Variants in EXOC6B observed in about 807,000 individuals in gnomAD.
EXOC6B encodes the protein SEC15 homolog B.
In EXOC6B, 54 loss-of-function variants were observed where a neutral mutation model predicts 113.5. That is an observed-to-expected ratio of 0.48 (90% CI 0.38 to 0.60). The LOEUF (loss-of-function observed/expected upper bound fraction) is 0.60. EXOC6B is among the 20% of genes least tolerant of loss of function. EXOC6B has a pLI of 0.00. For synonymous variants in EXOC6B, 357 were observed against 339.0 expected (o/e 1.05, Z -0.58); for missense variants, 797 against 977.5 (o/e 0.82, Z 2.46).
intron 20 of EXOC6B, among the ~76,000 whole-genome samples, chr2:72,303,750 T>C (rs1233328386): frequency 1.3e-5 from 2 of 152,202 alleles, no homozygotes; most frequent in Admixed American, 1.3e-4. Flanking sequence ...TTGAAGGACA[T>C]AAGACATTCT....
chr2:72,516,831 T>G (rs1314930675), intron 8 of EXOC6B, among the ~76,000 whole-genome samples: 1 of 152,130 alleles, frequency 6.6e-6, no homozygotes, highest in Non-Finnish European at 1.5e-5. Context: ...GTTATAAAGC[T>G]CTTAGAACAG....
chr2:72,387,721 T>C (rs1692126769), intron 18 of EXOC6B, among the ~76,000 whole-genome samples: 1 of 152,182 alleles, frequency 6.6e-6, no homozygotes, highest in Non-Finnish European at 1.5e-5. Flanking sequence ...ATCCCTGACA[T>C]TAATAATTTG....
intron 20 of EXOC6B, among the ~76,000 whole-genome samples, chr2:72,317,678 A>G (rs1553373843): frequency 6.6e-6 from 1 of 152,014 alleles, no homozygotes; most frequent in Non-Finnish European, 1.5e-5. Context: ...CTCATCACAC[A>G]CATTCACTTT....
chr2:72,385,386 C>A (rs1433458507), intron 18 of EXOC6B, among the ~76,000 whole-genome samples: 2 of 150,952 alleles, frequency 1.3e-5, no homozygotes, highest in East Asian at 3.9e-4. Context: ...AAACATAAGA[C>A]CTGAAACTAT....
At chr2:72,810,740 A>G (rs1559021489) in intron 1 of EXOC6B, among the ~76,000 whole-genome samples, 1 of 152,180 alleles carries the variant, frequency 6.6e-6, no homozygotes, top group Non-Finnish European at 1.5e-5. Context: ...ATAAAGAATG[A>G]AAAAGGGAAT....
intron 1 of EXOC6B, among the ~76,000 whole-genome samples, chr2:72,814,616 T>C (rs1418245719): frequency 6.6e-6 from 1 of 152,276 alleles, no homozygotes; most frequent in East Asian, 1.9e-4. Context: ...GGTTTGCAGG[T>C]ATGCAATTTA....
intron 20 of EXOC6B, among the ~76,000 whole-genome samples, chr2:72,292,171 A>AAGTG (rs1553367380): frequency 3.2e-5 from 4 of 124,876 alleles, no homozygotes; most frequent in Admixed American, 7.9e-5. Context: ...ATCCAGAAGT[A>AAGTG]AGTGTGTGTG....
chr2:72,470,775 T>C (rs1171911516), intron 17 of EXOC6B, among the ~76,000 whole-genome samples: 1 of 148,572 alleles, frequency 6.7e-6, no homozygotes. Flanking sequence ...GCTTCATCCA[T>C]GTCCCTACAA....
At chr2:72,599,240 C>G (rs1460853710) in intron 6 of EXOC6B, among the ~76,000 whole-genome samples, 1 of 152,056 alleles carries the variant, frequency 6.6e-6, no homozygotes, top group Non-Finnish European at 1.5e-5. Flanking sequence ...GTGTGTAAGG[C>G]TGGTTTGACA....
chr2:72,469,043 T>C (rs1393117401), intron 17 of EXOC6B, among the ~76,000 whole-genome samples: 6 of 152,126 alleles, frequency 3.9e-5, no homozygotes, highest in Non-Finnish European at 7.4e-5. Context: ...CTATTTAAAA[T>C]TGGTGTGGTA....
intron 2 of EXOC6B, 113 bp from the exon 3 acceptor site, chr2:72,733,231 A>G: frequency 1.3e-6 from 1 of 745,996 alleles, no homozygotes; most frequent in Non-Finnish European, 2.3e-6. Flanking sequence ...TATTTTCAGT[A>G]CTCCACTACA....
chr2:72,575,036 C>G (rs191777336), intron 7 of EXOC6B, among the ~76,000 whole-genome samples: 157 of 152,262 alleles, frequency 1.0e-3, no homozygotes, highest in Non-Finnish European at 1.8e-3. Flanking sequence ...AATGCAAACT[C>G]AACTTTCTGG....
Position 72,465,151 on chromosome 2 carries a change from G to A in EXOC6B, c.1980+9C>T, listed in dbSNP as rs1370574077. 2 of 1,601,074 alleles carry A rather than the reference G, an allele frequency of 1.2e-6. No individual in the cohort carries two copies. The highest frequency in any genetic ancestry group is 1.7e-6 in the Non-Finnish European group (2 of 1,171,704). On this transcript the variant is annotated intron_variant, in intron 18 of 21. Coordinates refer to ENST00000272427, the MANE Select transcript of EXOC6B (RefSeq NM_015189.3). ...TATATAAAGGACAAAGTAAGCAACT[G>A]CCACTTACAGGAAGGTGTGTGAATA...
chr2:72,522,344 G>A (rs187515155), intron 8 of EXOC6B, among the ~76,000 whole-genome samples: 109 of 152,188 alleles, frequency 7.2e-4, no homozygotes, highest in Admixed American at 1.4e-3. Context: ...TGCTGTTCCC[G>A]AAGTCTAATA....
At chr2:72,254,124 C>T (rs544912493) in intron 20 of EXOC6B, among the ~76,000 whole-genome samples, 1 of 152,032 alleles carries the variant, frequency 6.6e-6, no homozygotes, top group South Asian at 2.1e-4. Context: ...CACACCACTG[C>T]ACTCCAGGCT....
At chr2:72,287,304 A>G (rs998620858) in intron 20 of EXOC6B, among the ~76,000 whole-genome samples, 2 of 151,380 alleles carry the variant, frequency 1.3e-5, no homozygotes, top group African/African-American at 2.4e-5. Flanking sequence ...GGTGTCAGGC[A>G]CCTGTAGTCC....
chr2:72,671,903 GAAAGAAAGAAAGA>G (rs1276347634), intron 6 of EXOC6B, among the ~76,000 whole-genome samples: 178 of 147,194 alleles, frequency 1.2e-3, no homozygotes, highest in African/African-American at 4.0e-3. Context: ...AAAAGAAAGA[GAAAGAAAGAAAGA>G]AAAGAAAGAA....
chr2:72,823,401 T>G (rs1686688241), intron 1 of EXOC6B, among the ~76,000 whole-genome samples: 1 of 137,136 alleles, frequency 7.3e-6, no homozygotes, highest in Non-Finnish European at 1.5e-5. Context: ...CCGTAATGTA[T>G]ATACAGTTGA....
At position 72,627,949 on chromosome 2, in the gene EXOC6B, T is replaced by C. The variant is rs554161894; in HGVS notation, c.670-52281A>G. Among the ~76,000 whole-genome samples the C allele has an allele frequency of 1.2e-4, 19 of 152,274 alleles. No homozygotes were observed. The South Asian group carries it at 3.1e-3, about 25-fold the overall frequency. ...TGAATTTTTGTGAATACATTTGTTG[T>C]TCTTACTTTTATAGGGGTAGGATTT... On this transcript the variant is annotated intron_variant, in intron 6 of 21. Transcript: ENST00000272427.
Sources: allele counts gnomAD v4.1 joint callset (sites outside exome capture counted in the v4.1 genomes callset), GRCh38; gene constraint gnomAD v4.1.1; transcripts MANE v1.5; gene names NCBI Gene and HGNC (gene_info 2026-07-23, HGNC 2026-07-21).